The following LMO4 variants were observed in gnomAD, a reference collection of about 807,000 sequenced individuals.
The protein encoded by LMO4 is LIM domain only 4.
LMO4 carries 3 observed loss-of-function variants against 18.5 expected under a neutral mutation model. The ratio of observed to expected loss-of-function variants is 0.16; its 90% CI spans 0.07 to 0.42. The LOEUF (loss-of-function observed/expected upper bound fraction) is 0.42. Ranked by LOEUF, LMO4 falls within the 10% of genes least tolerant of loss-of-function variation. The pLI, the probability that LMO4 is intolerant of heterozygous loss-of-function variation, is 0.99. For synonymous variants in LMO4, 100 were observed against 88.1 expected (o/e 1.14, Z -0.76); for missense variants, 121 against 219.9 (o/e 0.55, Z 2.84).
In LMO4 at chr1:87,336,206, A is replaced by G. The variant is rs144743733; in HGVS notation, c.237-3330A>G. Among the ~76,000 whole-genome samples the G allele has an allele frequency of 1.1e-3, 169 of 152,322 alleles. 2 individuals are homozygous for G. The East Asian group carries it at 0.028, about 25-fold the overall frequency. On this transcript the variant is annotated intron_variant, in intron 2 of 4. Transcript: ENST00000370544. ...AGCTGGTGCAGAATTTAGATTAAAT[A>G]TAGGAACCTGCTGGAAAACCAATTG...
In LMO4 at chr1:87,345,502, AT is replaced by A. The variant is rs1650601762; in HGVS notation, c.*707del. On this transcript the variant is annotated 3_prime_UTR_variant, in exon 5 of 5. Coordinates refer to ENST00000370544, the MANE Select transcript of LMO4 (RefSeq NM_006769.4). ...ATTTGCTGAATGAAGAAAAAAAAAAATCTTTTATTTGTGATATTTTCAGAGA... is the reference window on the plus strand; with the variant it reads ...ATTTGCTGAATGAAGAAAAAAAAAAACTTTTATTTGTGATATTTTCAGAGA... 6.6e-6 allele frequency: 1 copy of A among 151,846 alleles called. No homozygotes were observed. The highest frequency in any genetic ancestry group is 2.1e-4 in the South Asian group (1 of 4,822). The allele number at this position is 151,846 out of a possible 1,614,324, so 9.4% of individuals were successfully genotyped here. A position where few individuals can be genotyped will look rare whatever the true frequency, so the allele number is the denominator to read the frequency against.
chr1:87,331,862 C>CGTA, intron 1 of LMO4, 151 bp from the exon 2 acceptor site: 3 of 625,464 alleles, frequency 4.8e-6, no homozygotes, highest in South Asian at 2.0e-5. Flanking sequence ...CCCTCTCCCC[C>CGTA]TCAGCCTCCT....
chr1:87,342,518 G>A (rs766015254), intron 4 of LMO4, among the ~76,000 whole-genome samples: 3 of 152,104 alleles, frequency 2.0e-5, no homozygotes, highest in Non-Finnish European at 2.9e-5. Context: ...TTTTCTTAAT[G>A]TTGGAGGCCA....
At chr1:87,329,379 G>A (rs2100771116) in intron 1 of LMO4, 135 bp downstream of exon 1, 1 of 152,412 alleles carries the variant, frequency 6.6e-6, no homozygotes, top group Admixed American at 6.5e-5. Flanking sequence ...CGTCGGCTTA[G>A]ATAAAGCGCG....
chr1:87,342,026 C>T (rs1650513150), intron 4 of LMO4, among the ~76,000 whole-genome samples: 4 of 152,172 alleles, frequency 2.6e-5, no homozygotes, highest in African/African-American at 4.8e-5. Flanking sequence ...AAATGGTAGA[C>T]CTTCTCTCCA....
intron 4 of LMO4, 130 bp from the exon 5 acceptor site, chr1:87,344,658 A>T: frequency 2.3e-6 from 2 of 882,838 alleles, no homozygotes; most frequent in South Asian, 3.0e-5. Flanking sequence ...GCCTCTATCA[A>T]GTCACAGTTG....
intron 2 of LMO4, among the ~76,000 whole-genome samples, chr1:87,335,180 A>G (rs1650268414): frequency 6.6e-6 from 1 of 152,262 alleles, no homozygotes; most frequent in South Asian, 2.1e-4. Flanking sequence ...GCTCCACCCA[A>G]GCGCCCCAAG....
At chr1:87,340,308 C>T in intron 4 of LMO4, 106 bp downstream of exon 4, 1 of 1,014,174 alleles carries the variant, frequency 9.9e-7, no homozygotes, top group Non-Finnish European at 1.5e-6. Context: ...TTTGCATGCC[C>T]TTTTAAAGAA....
intron 2 of LMO4, among the ~76,000 whole-genome samples, chr1:87,333,870 T>A (rs896993137): frequency 6.6e-6 from 1 of 151,244 alleles, no homozygotes; most frequent in Non-Finnish European, 1.5e-5. Context: ...GAGTGTGGTT[T>A]GAAGTGGAAA....
In LMO4 at chr1:87,344,301, A is replaced by AT. The variant is rs530665678; in HGVS notation, c.490-486dup. 6.9e-3 allele frequency among the ~76,000 whole-genome samples: 1,054 copies of AT among 152,326 alleles called. 5 individuals carry two copies. Among genetic ancestry groups the AT allele is most frequent in the Middle Eastern group, 0.014 (4 of 294 alleles). ...CTCCCATATGTATTATGTAATTATCATAACAGTGTCATTATCCCTTCTTTA... is the reference window on the plus strand; with the variant it reads ...CTCCCATATGTATTATGTAATTATCATTAACAGTGTCATTATCCCTTCTTTA... On this transcript the variant is annotated intron_variant, in intron 4 of 4. Coordinates refer to ENST00000370544, the MANE Select transcript of LMO4 (RefSeq NM_006769.4).
chr1:87,344,765 A>T (rs748244309), intron 4 of LMO4, 23 bp from the exon 5 acceptor site: 1 of 1,613,578 alleles, frequency 6.2e-7, no homozygotes, highest in Non-Finnish European at 8.5e-7. Context: ...TTTAGCTAAG[A>T]TGCCCGTTTT....
Position 87,336,324 on chromosome 1 carries a change from C to G in LMO4, c.237-3212C>G, listed in dbSNP as rs184865679. ...TACAAATGTATATACCTTTCAGCCA[C>G]ACTCTCAGAAACGTACCTCTCCTTG... is the stretch of plus-strand genomic sequence containing the variant. On this transcript the variant is annotated intron_variant, in intron 2 of 4. Transcript: ENST00000370544. 3.8e-3 allele frequency among the ~76,000 whole-genome samples: 583 copies of G among 152,314 alleles called. 5 individuals carry two copies. The highest frequency in any genetic ancestry group is 7.3e-3 in the Non-Finnish European group (498 of 68,026).
chr1:87,335,422 C>G (rs1004040685), intron 2 of LMO4, among the ~76,000 whole-genome samples: 1 of 151,802 alleles, frequency 6.6e-6, no homozygotes, highest in African/African-American at 2.4e-5. Flanking sequence ...GAGGCCGCAG[C>G]CAGAGCGCCC....
chr1:87,338,371 T>C (rs367560249), intron 2 of LMO4, among the ~76,000 whole-genome samples: 1 of 152,240 alleles, frequency 6.6e-6, no homozygotes, highest in Non-Finnish European at 1.5e-5. Context: ...ACCAATATGT[T>C]AATTTGTAAG....
intron 1 of LMO4, among the ~76,000 whole-genome samples, chr1:87,330,004 C>CT (rs895271767): frequency 0.072 from 9,206 of 127,184 alleles, 455 homozygotes; most frequent in East Asian, 0.19. Flanking sequence ...TAAAAGCTTT[C>CT]TTTTTTTTTT....
chr1:87,339,245 G>A (rs896802077), intron 2 of LMO4, among the ~76,000 whole-genome samples: 5 of 150,214 alleles, frequency 3.3e-5, no homozygotes, highest in Non-Finnish European at 7.4e-5. Flanking sequence ...TTTTTATGAT[G>A]AACCTAGTAA....
intron 1 of LMO4, among the ~76,000 whole-genome samples, chr1:87,329,464 C>T (rs1650065574): frequency 6.6e-6 from 1 of 152,126 alleles, no homozygotes; most frequent in African/African-American, 2.4e-5. Context: ...GTAGCGGTTC[C>T]TGCTTACAAA....
intron 1 of LMO4, among the ~76,000 whole-genome samples, chr1:87,329,992 C>CTT (rs1650087438): frequency 6.8e-6 from 1 of 148,016 alleles, no homozygotes; most frequent in Non-Finnish European, 1.5e-5. Flanking sequence ...GCCTATTTAA[C>CTT]TTAAAAGCTT....
At position 87,345,572 on chromosome 1, in the gene LMO4, GA is replaced by G. The variant is rs941785496; in HGVS notation, c.*782del. The stretch of plus-strand genomic sequence containing the variant: ...GTATTTAAATAATAAAAACTTAAAA[GA>G]AAAAATATTTAATGGTGTTTGGGTT... On this transcript the variant is annotated 3_prime_UTR_variant, in exon 5 of 5. Transcript: ENST00000370544. 1 of 151,948 alleles carries G rather than the reference GA, an allele frequency of 6.6e-6. No homozygotes were observed. The allele number at this position is 151,948 out of a possible 1,614,324, so 9.4% of individuals were successfully genotyped here.
Sources: allele counts gnomAD v4.1 joint callset (sites outside exome capture counted in the v4.1 genomes callset), GRCh38; gene constraint gnomAD v4.1.1; transcripts MANE v1.5; gene names NCBI Gene and HGNC (gene_info 2026-07-23, HGNC 2026-07-21).